ADGRG7: variants seen among roughly 807,000 people sequenced by gnomAD.
The protein encoded by ADGRG7 is G-protein coupled receptor 128.
A neutral mutation model predicts 88.6 loss-of-function variants in ADGRG7; 82 were observed. The observed-to-expected ratio is 0.93, with a 90% CI of 0.77 to 1.11. The LOEUF is 1.11. Among genes scored for constraint, ADGRG7 ranks in the 50% most tolerant of loss-of-function variants. ADGRG7 has a pLI of 0.00. For missense variants in ADGRG7, 945 were observed against 953.4 expected (o/e 0.99, Z 0.12); for synonymous variants, 381 against 345.2 (o/e 1.10, Z -1.15).
At chr3:100,679,070 C>T (rs1165262) in intron 15 of ADGRG7, among the ~76,000 whole-genome samples, 1 of 152,200 alleles carries the variant, frequency 6.6e-6, no homozygotes, top group East Asian at 1.9e-4. Context: ...GTCCCCAGGT[C>T]GGTCCAGAGG....
Position 100,694,985 on chromosome 3 carries a change from CA to C in ADGRG7, c.2381del (p.Lys794ArgfsTer7). 6.2e-7 allele frequency: 1 copy of C among 1,614,112 alleles called. No homozygotes were observed. ...ATCACACTCTCTGAAAGTGACAATGCAAAGGAAAGCATCTAGACAGTAAAAC... is the reference window on the plus strand; with the variant it reads ...ATCACACTCTCTGAAAGTGACAATGCAAGGAAAGCATCTAGACAGTAAAAC... ...EEITLSESDN[A>X]KESI On this transcript the variant is annotated frameshift_variant, in exon 16 of 16. Coordinates refer to ENST00000273352, the MANE Select transcript of ADGRG7 (RefSeq NM_032787.3). LOFTEE classifies it high-confidence loss of function.
intron 14 of ADGRG7, among the ~76,000 whole-genome samples, chr3:100,664,835 C>T (rs187081562): frequency 3.2e-4 from 48 of 152,078 alleles, no homozygotes; most frequent in South Asian, 8.3e-4. Flanking sequence ...AGTAATCCAC[C>T]GAATAATTAC....
chr3:100,615,815 A>G (rs2149011074), intron 1 of ADGRG7, among the ~76,000 whole-genome samples: 1 of 152,336 alleles, frequency 6.6e-6, no homozygotes, highest in African/African-American at 2.4e-5. Context: ...GCACTGGTGC[A>G]ATTTCAATGC....
chr3:100,642,441 G>A (rs1292866539), intron 6 of ADGRG7, among the ~76,000 whole-genome samples: 1 of 152,100 alleles, frequency 6.6e-6, no homozygotes, highest in Non-Finnish European at 1.5e-5. Context: ...ATCTCATTTG[G>A]AGGTAGAGAA....
intron 15 of ADGRG7, among the ~76,000 whole-genome samples, chr3:100,688,975 G>T (rs972013467): frequency 8.1e-4 from 123 of 152,084 alleles, no homozygotes; most frequent in Admixed American, 3.3e-4. Context: ...TTGACAGTGG[G>T]GTGTTAAAAT....
intron 9 of ADGRG7, 149 bp from the exon 10 acceptor site, chr3:100,646,418 CCT>C: frequency 1.5e-6 from 1 of 670,620 alleles, no homozygotes; most frequent in Non-Finnish European, 2.5e-6. Context: ...AATTTTATCT[CCT>C]TTTTTCCCTC....
chr3:100,621,927 G>C (rs531529140), intron 1 of ADGRG7, among the ~76,000 whole-genome samples: 1 of 152,212 alleles, frequency 6.6e-6, no homozygotes, highest in African/African-American at 2.4e-5. Flanking sequence ...TCATTCACCA[G>C]TGGTTTCGAG....
intron 1 of ADGRG7, among the ~76,000 whole-genome samples, chr3:100,622,175 A>G (rs1707320606): frequency 1.3e-5 from 2 of 151,718 alleles, no homozygotes; most frequent in South Asian, 4.2e-4. Context: ...GGACCCCTGT[A>G]CTAGAGTTTT....
chr3:100,650,578 A>G (rs964617602), intron 11 of ADGRG7, among the ~76,000 whole-genome samples: 1 of 152,310 alleles, frequency 6.6e-6, no homozygotes, highest in Non-Finnish European at 1.5e-5. Context: ...ATGCAGGTTA[A>G]TTATTTTTGG....
At chr3:100,685,259 T>G (rs2094980124) in intron 15 of ADGRG7, among the ~76,000 whole-genome samples, 1 of 152,204 alleles carries the variant, frequency 6.6e-6, no homozygotes, top group South Asian at 2.1e-4. Flanking sequence ...GGCATTTAAT[T>G]CTTGGCAATG....
rs2094968984 is a variant in ADGRG7 at position 100,678,793 on chromosome 3, G to A, written c.2136+9688G>A. 2.0e-5 allele frequency among the ~76,000 whole-genome samples: 3 copies of A among 152,178 alleles called. No homozygotes were observed. In the South Asian group the frequency reaches 6.2e-4, roughly 31 times the overall value. On this transcript the variant is annotated intron_variant, in intron 15 of 15. Coordinates refer to ENST00000273352, the MANE Select transcript of ADGRG7 (RefSeq NM_032787.3). ...GTTCTCTTCCATTATTTTCCTGCAAGCAAACAGAGTGCCTCTCTCTCTCTG... is the reference window on the plus strand; with the variant it reads ...GTTCTCTTCCATTATTTTCCTGCAAACAAACAGAGTGCCTCTCTCTCTCTG...
At chr3:100,641,288 TCTTTCTATATAAGG>T (rs1240770598) in intron 6 of ADGRG7, among the ~76,000 whole-genome samples, 2 of 151,734 alleles carry the variant, frequency 1.3e-5, no homozygotes, top group African/African-American at 2.4e-5. Flanking sequence ...AGTTTTAACG[TCTTTCTATATAAGG>T]CTTTCTATAT....
intron 15 of ADGRG7, among the ~76,000 whole-genome samples, chr3:100,680,608 C>A (rs115042696): frequency 0.01 from 1,539 of 152,078 alleles, 22 homozygotes; most frequent in African/African-American, 0.024. Context: ...AATTATTAAG[C>A]AATACTTCTT....
chr3:100,644,223 C>G (rs74980720), intron 8 of ADGRG7, among the ~76,000 whole-genome samples: 2,263 of 151,918 alleles, frequency 0.015, 62 homozygotes, highest in African/African-American at 0.051. Flanking sequence ...GACACACTTA[C>G]TTTTCATTTC....
intron 1 of ADGRG7, among the ~76,000 whole-genome samples, chr3:100,610,258 C>T (rs941109832): frequency 1.3e-5 from 2 of 152,134 alleles, no homozygotes; most frequent in South Asian, 2.1e-4. Context: ...ATAATTAAAA[C>T]GATTAGTAAC....
chr3:100,629,499 A>C, intron 1 of ADGRG7, 99 bp from the exon 2 acceptor site: 1 of 711,954 alleles, frequency 1.4e-6, no homozygotes, highest in Non-Finnish European at 2.5e-6. Flanking sequence ...ATGATACTCA[A>C]AGCAGTGGTT....
intron 10 of ADGRG7, 66 bp downstream of exon 10, chr3:100,646,790 C>G: frequency 7.9e-7 from 1 of 1,272,564 alleles, no homozygotes; most frequent in Non-Finnish European, 1.1e-6. Flanking sequence ...CTAGTAGGTG[C>G]TCCTTGGAGA....
chr3:100,617,143 G>C (rs1327261360), intron 1 of ADGRG7, among the ~76,000 whole-genome samples: 1 of 151,914 alleles, frequency 6.6e-6, no homozygotes, highest in East Asian at 1.9e-4. Context: ...ATCAGATAAA[G>C]AAAATTTAAA....
intron 14 of ADGRG7, among the ~76,000 whole-genome samples, chr3:100,666,022 T>G (rs2094951257): frequency 2.0e-5 from 3 of 152,096 alleles, no homozygotes; most frequent in African/African-American, 7.2e-5. Flanking sequence ...CTTGACGGGC[T>G]TGGATGCTTA....
Sources: gnomAD v4.1 joint callset for allele counts (sites outside exome capture counted in the v4.1 genomes callset) on GRCh38, gnomAD v4.1.1 for gene constraint, MANE v1.5 for transcripts, NCBI Gene and HGNC (gene_info 2026-07-23, HGNC 2026-07-21) for gene names.